The following VAV3 variants were observed in gnomAD, a reference collection of about 807,000 sequenced individuals.
VAV3 encodes vav guanine nucleotide exchange factor 3.
In VAV3, 94 loss-of-function variants were observed where a neutral mutation model predicts 131.2. That is an observed-to-expected ratio of 0.72 (90% confidence interval 0.61 to 0.85). The LOEUF is 0.85. VAV3 is among the 40% of genes least tolerant of loss of function. The pLI is 0.00. For missense variants in VAV3, 939 were observed against 1,002.7 expected, an observed-to-expected ratio of 0.94 and a Z score of 0.86; for synonymous variants, 349 against 342.0, an observed-to-expected ratio of 1.02 and a Z score of -0.22.
At chr1:107,949,796 G>C (rs1391909928) in intron 1 of VAV3, among the ~76,000 whole-genome samples, 1 of 152,194 alleles carries the variant, frequency 6.6e-6, no homozygotes, top group African/African-American at 2.4e-5. Flanking sequence ...GTGGCTGACT[G>C]AACTAAGTTT....
intron 1 of VAV3, among the ~76,000 whole-genome samples, chr1:107,938,452 A>G (rs1280445734): frequency 2.0e-5 from 3 of 152,182 alleles, no homozygotes; most frequent in Non-Finnish European, 4.4e-5. Flanking sequence ...ATAAATTCCC[A>G]AAGACTGAAA....
rs1049590602 is a variant in VAV3 at position 107,749,437 on chromosome 1, C to G, written c.1392+25G>C. 16 of 1,577,682 alleles carry G rather than the reference C, an allele frequency of 1.0e-5. No individual in the cohort carries two copies. In the African/African-American group the frequency reaches 2.1e-4, roughly 20 times the overall value. On this transcript the variant is annotated intron_variant, in intron 14 of 26. Coordinates refer to ENST00000370056, the MANE Select transcript of VAV3 (RefSeq NM_006113.5). ...AATGTTCAAGATTATAAGTAAATTA[C>G]AGTTATTAGTTTCCAAAAAGTCACC...
At chr1:107,672,888 G>A (rs1297135340) in intron 19 of VAV3, among the ~76,000 whole-genome samples, 1 of 152,104 alleles carries the variant, frequency 6.6e-6, no homozygotes, top group African/African-American at 2.4e-5. Context: ...TACAAGGTTG[G>A]TGGGCATAAA....
chr1:107,744,386 T>C lies in VAV3; in HGVS notation c.1502+4582A>G, dbSNP rs144478994. ...GCATATGCATCTCAAAGAGTCTTTC[T>C]TCATTCAAGGGGGTAAATGAGAATT... is the stretch of plus-strand genomic sequence containing the variant. On this transcript the variant is annotated intron_variant, in intron 15 of 26. Coordinates refer to ENST00000370056, the MANE Select transcript of VAV3 (RefSeq NM_006113.5). 2.1e-3 allele frequency among the ~76,000 whole-genome samples: 313 copies of C among 152,284 alleles called. 5 individuals are homozygous for C. The highest frequency in any genetic ancestry group is 1.2e-3 in the Non-Finnish European group (83 of 68,018).
chr1:107,602,906 T>G, intron 23 of VAV3, 141 bp downstream of exon 23: 1 of 617,186 alleles, frequency 1.6e-6, no homozygotes, highest in South Asian at 2.7e-5. Flanking sequence ...TTTTCAAGTA[T>G]TAATGAACTG....
chr1:107,732,606 A>C (rs1370036966), intron 15 of VAV3, among the ~76,000 whole-genome samples: 1 of 152,216 alleles, frequency 6.6e-6, no homozygotes, highest in Non-Finnish European at 1.5e-5. Flanking sequence ...AGCCTCGTTC[A>C]CTGCTAGCTC....
intron 2 of VAV3, among the ~76,000 whole-genome samples, chr1:107,812,329 C>T (rs1468504928): frequency 6.6e-6 from 1 of 151,972 alleles, no homozygotes; most frequent in African/African-American, 2.4e-5. Flanking sequence ...ATAATAGACA[C>T]AAGGAAAAAA....
At chr1:107,656,167 A>G (rs1371899279) in intron 19 of VAV3, among the ~76,000 whole-genome samples, 1 of 152,206 alleles carries the variant, frequency 6.6e-6, no homozygotes, top group Non-Finnish European at 1.5e-5. Flanking sequence ...TTATTGTAAC[A>G]CTATTCATAA....
chr1:107,628,070 A>C (rs1406168492), intron 20 of VAV3, among the ~76,000 whole-genome samples: 1 of 149,540 alleles, frequency 6.7e-6, no homozygotes, highest in Non-Finnish European at 1.5e-5. Flanking sequence ...GGTTCTGAGA[A>C]GACGTCAGAA....
intron 25 of VAV3, among the ~76,000 whole-genome samples, chr1:107,587,982 A>G (rs538346641): frequency 1.8e-3 from 280 of 152,360 alleles, no homozygotes; most frequent in Non-Finnish European, 2.6e-3. Flanking sequence ...TTCTAAGATC[A>G]TAAGTACTGC....
At chr1:107,674,909 A>G (rs1009286064) in intron 19 of VAV3, among the ~76,000 whole-genome samples, 1 of 152,192 alleles carries the variant, frequency 6.6e-6, no homozygotes, top group African/African-American at 2.4e-5. Context: ...GAGTAGGTCC[A>G]TGTAGTAAAG....
chr1:107,635,412 T>C (rs902164094), intron 20 of VAV3, among the ~76,000 whole-genome samples: 4 of 134,408 alleles, frequency 3.0e-5, no homozygotes, highest in South Asian at 2.3e-4. Flanking sequence ...TAGGTGGGAA[T>C]TGAACAATGA....
At chr1:107,643,062 G>A (rs1011862562) in intron 19 of VAV3, among the ~76,000 whole-genome samples, 5 of 151,936 alleles carry the variant, frequency 3.3e-5, no homozygotes, top group Admixed American at 6.6e-5. Flanking sequence ...AACACATCAC[G>A]TACAGTTTAA....
Position 107,705,043 on chromosome 1 carries a change from G to A in VAV3, c.1521C>T (p.Asp507=), listed in dbSNP as rs1356135076. Residue 507 remains aspartate, a synonymous_variant, in exon 16 of 27, where the codon GAC becomes GAT. Transcript: ENST00000370056. ...AGTCGTGGAAATTGGAGTCTGCATA[G>A]TCTGGTCTTATGTTAGACCTAAAAA... ...FEMALSNIRP[D]YADSNFHDFK... is the part of the protein sequence containing the mutation. 6.2e-7 allele frequency: 1 copy of A among 1,613,320 alleles called. No individual in the cohort carries two copies. Among genetic ancestry groups the A allele is most frequent in the African/African-American group, 1.3e-5 (1 of 75,004 alleles).
intron 10 of VAV3, 66 bp from the exon 11 acceptor site, chr1:107,757,395 A>AT: frequency 7.8e-7 from 1 of 1,288,858 alleles, no homozygotes; most frequent in Non-Finnish European, 1.1e-6. Context: ...TAAAGAAAAC[A>AT]TTTTTACAAA....
At chr1:107,739,432 G>A (rs896088564) in intron 15 of VAV3, among the ~76,000 whole-genome samples, 2 of 152,098 alleles carry the variant, frequency 1.3e-5, no homozygotes, top group Non-Finnish European at 2.9e-5. Context: ...AATTTTGAAA[G>A]GTTATAGACA....
In VAV3 at chr1:107,755,423, A is replaced by G. The variant is rs1365584547; in HGVS notation, c.1173+4T>C. On this transcript the variant is annotated splice_donor_region_variant and intron_variant, in intron 12 of 26. Coordinates refer to ENST00000370056, the MANE Select transcript of VAV3 (RefSeq NM_006113.5). Reference sequence around the variant, plus strand: ...GGAAGCTGGATGGAAAGATAATTACATACCAAATTCTCTATAGATAGCTGA... The same window carrying G: ...GGAAGCTGGATGGAAAGATAATTACGTACCAAATTCTCTATAGATAGCTGA... 1 of 1,599,072 alleles carries G rather than the reference A, an allele frequency of 6.3e-7. No individual in the cohort carries two copies. Among genetic ancestry groups the G allele is most frequent in the Non-Finnish European group, 8.6e-7 (1 of 1,166,488 alleles).
intron 2 of VAV3, chr1:107,820,859 C>G (rs1667765795): frequency 6.6e-6 from 1 of 152,022 alleles, no homozygotes; most frequent in Non-Finnish European, 1.5e-5. Context: ...AGGAGCTTAC[C>G]ACTTTTTTAA....
intron 21 of VAV3, among the ~76,000 whole-genome samples, chr1:107,614,865 T>C (rs998327851): frequency 6.6e-6 from 1 of 152,156 alleles, no homozygotes; most frequent in East Asian, 1.9e-4. Context: ...AAACAGTACA[T>C]GGTACATTCA....
Sources: gnomAD v4.1 joint callset for allele counts (sites outside exome capture counted in the v4.1 genomes callset) on GRCh38, gnomAD v4.1.1 for gene constraint, MANE v1.5 for transcripts, NCBI Gene and HGNC (gene_info 2026-07-23, HGNC 2026-07-21) for gene names.